The following PKD1L1 variants were observed in gnomAD, a reference collection of about 807,000 sequenced individuals.
PKD1L1 encodes polycystin 1 like 1, transient receptor potential channel interacting.
A neutral mutation model predicts 323.4 loss-of-function variants in PKD1L1; 236 were observed. That is an observed-to-expected ratio of 0.73 (90% CI 0.66 to 0.81). PKD1L1 has a LOEUF of 0.81. PKD1L1 is among the 40% of genes least tolerant of loss of function. The pLI, the probability that PKD1L1 is intolerant of heterozygous loss-of-function variation, is 0.00. For synonymous variants in PKD1L1, 1,344 were observed against 1,335.0 expected (o/e 1.01, Z -0.15); for missense variants, 3,320 against 3,508.0 (o/e 0.95, Z 1.35).
chr7:47,812,065 C>A lies in PKD1L1; in HGVS notation c.7347-14G>T. 1.3e-6 allele frequency: 2 copies of A among 1,551,296 alleles called. No individual in the cohort carries two copies. The highest frequency in any genetic ancestry group is 1.2e-5 in the South Asian group (1 of 84,122). On this transcript the variant is annotated splice_polypyrimidine_tract_variant and intron_variant, in intron 49 of 56. Coordinates refer to ENST00000289672, the MANE Select transcript of PKD1L1 (RefSeq NM_138295.5). ...TGGGCTTCAGTCCTGTAAAACAGCACACACTGGGGTAGGGCAGGGCAGGGA... is the reference window on the plus strand; with the variant it reads ...TGGGCTTCAGTCCTGTAAAACAGCAAACACTGGGGTAGGGCAGGGCAGGGA...
rs549014172 is a variant in PKD1L1, at chr7:47,852,977, T to C, written c.4960+150A>G. 3.0e-4 allele frequency: 188 copies of C among 634,868 alleles called. 1 individual carries two copies. The African/African-American group carries it at 3.0e-3, about 10-fold the overall frequency. The allele number at this position is 634,868 out of a possible 1,614,324, so 39.3% of individuals were successfully genotyped here. On this transcript the variant is annotated intron_variant, in intron 31 of 56. Transcript: ENST00000289672. ...GGGCAGTTTCCATGTGTGGGATCTA[T>C]AGTGGAGCAGTTTGTTTATAAGCAA... is the stretch of plus-strand genomic sequence containing the variant.
rs143048854 is a variant in PKD1L1, at chr7:47,839,650, T to G, written c.5565A>C (p.Gln1855His). 1.1e-5 allele frequency: 18 copies of G among 1,569,020 alleles called. No individual in the cohort carries two copies. Among genetic ancestry groups the G allele is most frequent in the Non-Finnish European group, 1.5e-5 (17 of 1,156,646 alleles). Residue 1855 changes from glutamine to histidine, a missense_variant, in exon 36 of 57, where the codon CAA (glutamine) becomes CAC (histidine). By Grantham distance (24) the Gln-to-His change is conservative (BLOSUM62 0). Coordinates refer to ENST00000289672, the MANE Select transcript of PKD1L1 (RefSeq NM_138295.5). The surrounding 1 kb of genome is among the most constrained non-coding windows in gnomAD (Gnocchi z 4.3). ...GGCGGATCTTCCTCAGCAGGCCCAG[T>G]TGGGCAGGAGCGCTGGAGGCACACA... ...RHTFILSAPA[Q>H]LGLLRKIRLW... is the part of the protein sequence containing the mutation.
intron 31 of PKD1L1, among the ~76,000 whole-genome samples, chr7:47,848,466 T>C (rs1785711162): frequency 6.6e-6 from 1 of 152,216 alleles, no homozygotes; most frequent in African/African-American, 2.4e-5. Flanking sequence ...TGGGTATGCA[T>C]GGGCTTATTT....
chr7:47,842,903 C>T lies in PKD1L1; in HGVS notation c.5445+59G>A, dbSNP rs1013359270. 1.7e-5 allele frequency: 26 copies of T among 1,489,248 alleles called. No individual in the cohort carries two copies. In the African/African-American group the frequency reaches 3.5e-4, roughly 20 times the overall value. The allele number at this position is 1,489,248 out of a possible 1,614,324, so 92.3% of individuals were successfully genotyped here. A position where few individuals can be genotyped will look rare whatever the true frequency, so the allele number is the denominator to read the frequency against. On this transcript the variant is annotated intron_variant, in intron 34 of 56. Transcript: ENST00000289672. Reference sequence around the variant, plus strand: ...GGGCAGCCAAATCACCAAATCCTCACTTCTGATGTTGACACTGCTTAGACA... The same window carrying T: ...GGGCAGCCAAATCACCAAATCCTCATTTCTGATGTTGACACTGCTTAGACA...
intron 45 of PKD1L1, among the ~76,000 whole-genome samples, chr7:47,823,148 T>TA (rs1197856176): frequency 1.3e-5 from 2 of 152,192 alleles, no homozygotes; most frequent in African/African-American, 2.4e-5. Flanking sequence ...TTTGATATCT[T>TA]AAAAAACATT....
intron 36 of PKD1L1, among the ~76,000 whole-genome samples, chr7:47,838,802 C>G (rs370374901): frequency 1.5e-5 from 2 of 137,598 alleles, no homozygotes; most frequent in Non-Finnish European, 3.0e-5. Context: ...CACTTGAACC[C>G]GGGAGGCAGA....
At chr7:47,806,857 G>T (rs570503181) in intron 52 of PKD1L1, among the ~76,000 whole-genome samples, 1 of 152,216 alleles carries the variant, frequency 6.6e-6, no homozygotes, top group African/African-American at 2.4e-5. Flanking sequence ...TCCAAGAAGA[G>T]GATGCCCTCT....
Position 47,840,843 on chromosome 7 carries a change from G to C in PKD1L1, c.5446-276C>G, listed in dbSNP as rs1355050690. On this transcript the variant is annotated intron_variant, in intron 34 of 56. Coordinates refer to ENST00000289672, the MANE Select transcript of PKD1L1 (RefSeq NM_138295.5). This position sits in a 1 kb window ranked among gnomAD's most constrained non-coding sequence, Gnocchi z 4.1. ...AAAAGCCAGATCCCAACTAGGATTC[G>C]GGAGGGCATTTGTTTTCTCATGAGG... Among the ~76,000 whole-genome samples the C allele has an allele frequency of 6.6e-6, 1 of 152,204 alleles. No individual in the cohort carries two copies. Among genetic ancestry groups the C allele is most frequent in the Non-Finnish European group, 1.5e-5 (1 of 68,034 alleles).
At chr7:47,934,913 A>C (rs563447560) in intron 4 of PKD1L1, among the ~76,000 whole-genome samples, 1 of 152,280 alleles carries the variant, frequency 6.6e-6, no homozygotes, top group African/African-American at 2.4e-5. Context: ...TCACCCAAGC[A>C]CTTCGGATTT....
chr7:47,931,068 G>T, intron 6 of PKD1L1, 36 bp downstream of exon 6: 1 of 1,587,348 alleles, frequency 6.3e-7, no homozygotes, highest in Non-Finnish European at 8.6e-7. Flanking sequence ...GGGGATTGGA[G>T]AAGTGGTGCT....
intron 17 of PKD1L1, among the ~76,000 whole-genome samples, chr7:47,886,368 G>A (rs1786685513): frequency 1.3e-5 from 2 of 152,092 alleles, no homozygotes; most frequent in Admixed American, 1.3e-4. Context: ...ACTTATTCAT[G>A]GGTATTCTAG....
the PKD1L1 span, among the ~76,000 whole-genome samples, chr7:47,959,469 C>A: frequency 2.3e-5 from 3 of 132,840 alleles, no homozygotes; most frequent in East Asian, 4.8e-4. Flanking sequence ...CGCCTCTGCC[C>A]CGCCGCCCCG....
At chr7:47,803,504 G>C (rs1015323907) in intron 52 of PKD1L1, among the ~76,000 whole-genome samples, 160 bp from the exon 53 acceptor site, 6 of 152,204 alleles carry the variant, frequency 3.9e-5, no homozygotes, top group African/African-American at 1.4e-4. Flanking sequence ...GTCTGCAGAG[G>C]AGAATGAGTT....
intron 55 of PKD1L1, chr7:47,795,362 C>A (rs1205376030): frequency 1.1e-5 from 5 of 455,532 alleles, no homozygotes; most frequent in Non-Finnish European, 2.2e-5. Context: ...GCATCTGGAT[C>A]ATTTTTCTCT....
chr7:47,945,076 C>T (rs980598680), intron 1 of PKD1L1, among the ~76,000 whole-genome samples: 2 of 152,188 alleles, frequency 1.3e-5, no homozygotes, highest in African/African-American at 2.4e-5. Context: ...GTCACCTTGC[C>T]TCTCTGTGTC....
At position 47,838,961 on chromosome 7, in the gene PKD1L1, G is replaced by A. The variant is rs996341990; in HGVS notation, c.5769+485C>T. ...TGTATGAAATGTGTTTGTATATAGG[G>A]AAAGACGGAAAGGACATGCAAAAAT... On this transcript the variant is annotated intron_variant, in intron 36 of 56. Transcript: ENST00000289672. Among the ~76,000 whole-genome samples the A allele has an allele frequency of 3.9e-5, 6 of 152,062 alleles. No individual in the cohort carries two copies. The South Asian group carries it at 6.2e-4, about 16-fold the overall frequency.
chr7:47,790,131 C>T (rs889222812), intron 56 of PKD1L1, among the ~76,000 whole-genome samples: 8 of 151,844 alleles, frequency 5.3e-5, no homozygotes, highest in South Asian at 2.1e-4. Flanking sequence ...CCTTGTGATC[C>T]GCCCACCTAG....
intron 24 of PKD1L1, among the ~76,000 whole-genome samples, chr7:47,870,972 CAAAAAAAAAAAG>C (rs1296890688): frequency 1.5e-5 from 1 of 66,128 alleles, no homozygotes; most frequent in Non-Finnish European, 2.8e-5. Flanking sequence ...AACCTTGTCT[CAAAAAAAAAAAG>C]AAAAAAAAAA....
intron 16 of PKD1L1, 21 bp from the exon 17 acceptor site, chr7:47,888,171 T>C (rs754218975): frequency 1.9e-6 from 3 of 1,600,298 alleles, no homozygotes; most frequent in Non-Finnish European, 2.6e-6. Flanking sequence ...TAAATTGGCT[T>C]GAGATCTTAG....
Sources: allele counts gnomAD v4.1 joint callset (sites outside exome capture counted in the v4.1 genomes callset), GRCh38; gene constraint gnomAD v4.1.1; non-coding constraint Gnocchi (gnomAD v3.1); transcripts MANE v1.5; gene names NCBI Gene and HGNC (gene_info 2026-07-23, HGNC 2026-07-21).